The following AMOT variants were observed in gnomAD, a reference collection of about 807,000 sequenced individuals.
The protein encoded by AMOT is angiomotin.
In AMOT, 11 loss-of-function variants were observed where a neutral mutation model predicts 67.0. The observed-to-expected ratio is 0.16, with a 90% CI of 0.10 to 0.27. The LOEUF (loss-of-function observed/expected upper bound fraction) is 0.27, where lower values mean the gene tolerates loss of function less well. AMOT is among the 10% of genes least tolerant of loss of function. The probability of loss-of-function intolerance (pLI) is 1.00; values close to 1 mark genes in which losing one functional copy is unlikely to be tolerated. For missense variants in AMOT, 753 were observed against 852.0 expected, an observed-to-expected ratio of 0.88 and a Z score of 1.45; for synonymous variants, 326 against 321.4, an observed-to-expected ratio of 1.01 and a Z score of -0.15.
chrX:112,777,415 C>T lies in AMOT; in HGVS notation c.*1152G>A, dbSNP rs908154250. On this transcript the variant is annotated 3_prime_UTR_variant, in exon 14 of 14. Transcript: ENST00000371959. ...TGAGAAGAGGTAGTTGAGGATACTG[C>T]TGCAATCCACCTCTCCCCCGACTGC... The T allele has an allele frequency of 2.7e-5, 3 of 112,126 alleles. No homozygotes were observed. Among genetic ancestry groups the T allele is most frequent in the Non-Finnish European group, 5.6e-5 (3 of 53,252 alleles). The allele number at this position is 112,126 out of a possible 1,213,427, so 9.2% of individuals were successfully genotyped here. A position where few individuals can be genotyped will look rare whatever the true frequency, so the allele number is the denominator to read the frequency against.
chrX:112,790,920 A>C (rs1001469167), intron 9 of AMOT, 138 bp from the exon 10 acceptor site: 9 of 544,846 alleles, frequency 1.7e-5, no homozygotes, highest in Non-Finnish European at 2.1e-5. Context: ...GGGAATTCAG[A>C]TCTCCTCCCA....
chrX:112,784,855 C>T (rs1372132531), intron 10 of AMOT, among the ~76,000 whole-genome samples: 7 of 112,006 alleles, frequency 6.2e-5, no homozygotes, highest in Non-Finnish European at 1.1e-4. Flanking sequence ...CGGTTTGTCA[C>T]TGGGGGAACT....
chrX:112,786,151 G>C (rs1292429757), intron 10 of AMOT, among the ~76,000 whole-genome samples: 1 of 112,086 alleles, frequency 8.9e-6, no homozygotes, highest in Non-Finnish European at 1.9e-5. Flanking sequence ...CAGAAGGTAG[G>C]ATGAGAAGAA....
intron 3 of AMOT, 100 bp downstream of exon 3, chrX:112,824,972 G>A (rs919474530): frequency 3.7e-5 from 4 of 107,214 alleles, no homozygotes; most frequent in Non-Finnish European, 5.8e-5. Context: ...CCCCTCCCAC[G>A]TCACACCCAC....
chrX:112,803,859 A>G (rs1485250411), intron 8 of AMOT, among the ~76,000 whole-genome samples: 1 of 112,368 alleles, frequency 8.9e-6, no homozygotes, highest in Non-Finnish European at 1.9e-5. Flanking sequence ...TCAACTTTTT[A>G]TGATGAAGGC....
intron 4 of AMOT, among the ~76,000 whole-genome samples, chrX:112,820,439 T>C (rs1019827899): frequency 8.9e-6 from 1 of 111,871 alleles, no homozygotes; most frequent in African/African-American, 3.3e-5. Flanking sequence ...CTCTTTGGGC[T>C]CCTCATTATT....
chrX:112,777,912 G>A lies in AMOT; in HGVS notation c.*655C>T, dbSNP rs973247875. On this transcript the variant is annotated 3_prime_UTR_variant, in exon 14 of 14. Transcript: ENST00000371959. The stretch of plus-strand genomic sequence containing the variant: ...TATATATGAATGTATGAACCTCCAG[G>A]AGGGAACCAAAAGAATCCATTTCCA... 2 of 112,181 alleles carry A rather than the reference G, an allele frequency of 1.8e-5. No individual in the cohort carries two copies. The highest frequency in any genetic ancestry group is 3.8e-5 in the Non-Finnish European group (2 of 53,249). The allele number at this position is 112,181 out of a possible 1,213,427, so 9.2% of individuals were successfully genotyped here.
At chrX:112,798,259 T>A (rs191460663) in intron 8 of AMOT, among the ~76,000 whole-genome samples, 1 of 112,870 alleles carries the variant, frequency 8.9e-6, no homozygotes, top group East Asian at 2.8e-4. Flanking sequence ...CCAAGAGTTC[T>A]TCCTTGAATA....
At chrX:112,831,921 A>T (rs758199732) in intron 2 of AMOT, among the ~76,000 whole-genome samples, 4 of 111,137 alleles carry the variant, frequency 3.6e-5, no homozygotes, top group Non-Finnish European at 5.7e-5. Flanking sequence ...CTTTCCTCCC[A>T]TATATCTCCA....
chrX:112,817,145 G>A (rs1934589139), intron 4 of AMOT, among the ~76,000 whole-genome samples: 1 of 112,109 alleles, frequency 8.9e-6, no homozygotes, highest in African/African-American at 3.2e-5. Context: ...ATGGGATCTG[G>A]ATCCCAACAG....
Position 112,804,928 on chromosome X carries a change from C to T in AMOT, c.1776+19G>A, listed in dbSNP as rs373182644. 1 of 491,422 alleles carries T rather than the reference C, an allele frequency of 2.0e-6. No homozygotes were observed. Among genetic ancestry groups the T allele is most frequent in the Non-Finnish European group, 3.4e-6 (1 of 294,220 alleles). 40.5% of individuals were successfully genotyped at this position (491,422 alleles called of 1,213,427 possible). Reference sequence around the variant, plus strand: ...GCCCTCCCACCCCCAGGCTCATATGCTACCTGAGGAAACCATACCTCTTCT... The same window carrying T: ...GCCCTCCCACCCCCAGGCTCATATGTTACCTGAGGAAACCATACCTCTTCT... On this transcript the variant is annotated intron_variant, in intron 8 of 13. Transcript: ENST00000371959.
In AMOT at chrX:112,811,514, C is replaced by G. The variant is rs928695297; in HGVS notation, c.1393-121G>C. The G allele has an allele frequency of 1.3e-5, 10 of 745,195 alleles. No individual in the cohort carries two copies. In the African/African-American group the frequency reaches 2.1e-4, roughly 16 times the overall value. The allele number at this position is 745,195 out of a possible 1,213,427, so 61.4% of individuals were successfully genotyped here. A position where few individuals can be genotyped will look rare whatever the true frequency, so the allele number is the denominator to read the frequency against. On this transcript the variant is annotated intron_variant, in intron 5 of 13. Transcript: ENST00000371959. Reference sequence around the variant, plus strand: ...CCAGGGCTCACAGATGGCCAGGAGGCAAGCATAACACAGTCAGATGACACA... The same window carrying G: ...CCAGGGCTCACAGATGGCCAGGAGGGAAGCATAACACAGTCAGATGACACA...
chrX:112,820,588 C>T (rs913670449), intron 4 of AMOT, among the ~76,000 whole-genome samples: 4 of 111,069 alleles, frequency 3.6e-5, no homozygotes, highest in Non-Finnish European at 7.5e-5. Context: ...CTGAGTGGGG[C>T]TGTGGCTTCT....
chrX:112,800,354 C>A (rs971531113), intron 8 of AMOT, among the ~76,000 whole-genome samples: 5 of 111,540 alleles, frequency 4.5e-5, no homozygotes, highest in South Asian at 3.8e-4. Flanking sequence ...AGATGAAATG[C>A]CCTTCAAATA....
intron 1 of AMOT, among the ~76,000 whole-genome samples, chrX:112,838,422 C>A (rs1602855226): frequency 8.9e-6 from 1 of 112,023 alleles, no homozygotes; most frequent in African/African-American, 3.2e-5. Context: ...GGGAGAGGCA[C>A]AGAAGCAGAT....
intron 8 of AMOT, among the ~76,000 whole-genome samples, chrX:112,804,547 C>A (rs1157282193): frequency 1.8e-5 from 2 of 111,454 alleles, no homozygotes; most frequent in South Asian, 3.8e-4. Flanking sequence ...TTTTAAAATA[C>A]CTGTAAGGGC....
In AMOT at chrX:112,815,593, T is replaced by C; in HGVS notation, c.1157A>G (p.His386Arg). Residue 386 changes from histidine (H) to arginine (R), a missense_variant, in exon 5 of 14, where the codon CAT becomes CGT. Physicochemically the swap from His to Arg is conservative, Grantham distance 29. This residue lies in a region of AMOT where 297 missense variants were observed against 284.3 expected (regional missense o/e 1.04). Transcript: ENST00000371959. ...CTGTTGTTGGTGGTGATGGTGATGA[T>C]GGTGCTGCTGCTGCTGTTGCTGCTG... ...QQQQQQQQQHHHHHHHQQQQQ... is the reference protein window; with the variant it reads ...QQQQQQQQQHRHHHHHQQQQQ... 1 of 1,209,513 alleles carries C rather than the reference T, an allele frequency of 8.3e-7. No homozygotes were observed. Among genetic ancestry groups the C allele is most frequent in the Non-Finnish European group, 1.1e-6 (1 of 894,301 alleles).
At position 112,809,989 on chromosome X, in the gene AMOT, G is replaced by A. The variant is rs1479638937; in HGVS notation, c.1538-3C>T. On this transcript the variant is annotated splice_region_variant and splice_polypyrimidine_tract_variant and intron_variant, in intron 6 of 13. Coordinates refer to ENST00000371959, the MANE Select transcript of AMOT (RefSeq NM_001113490.2). ...CTTGTTGGCAGTCTCTAGACGCTCT[G>A]TGAAATTTGGAGACAATCAACAGGG... The A allele has an allele frequency of 1.7e-6, 2 of 1,200,732 alleles. No homozygotes were observed. Among genetic ancestry groups the A allele is most frequent in the Non-Finnish European group, 1.1e-6 (1 of 887,822 alleles).
At chrX:112,818,705 G>A (rs1008582261) in intron 4 of AMOT, among the ~76,000 whole-genome samples, 4 of 111,181 alleles carry the variant, frequency 3.6e-5, no homozygotes, top group Admixed American at 9.5e-5. Flanking sequence ...TGGAGGGGGC[G>A]GATGTCAGAG....
Sources: gnomAD v4.1 joint callset for allele counts (sites outside exome capture counted in the v4.1 genomes callset) on GRCh38, gnomAD v4.1.1 for gene constraint, gnomAD v4.1.1 regional missense constraint, MANE v1.5 for transcripts, NCBI Gene and HGNC (gene_info 2026-07-23, HGNC 2026-07-21) for gene names.